The following APLN variants were observed in gnomAD, a reference collection of about 807,000 sequenced individuals.
APLN encodes apelin, also known as AGTRL1 ligand.
In APLN, 2 loss-of-function variants were observed where a neutral mutation model predicts 4.3. The ratio of observed to expected loss-of-function variants is 0.46; its 90% CI spans 0.19 to 1.45. The LOEUF is 1.45. Among genes scored for constraint, APLN ranks in the 40% most tolerant of loss-of-function variants. The probability of loss-of-function intolerance (pLI) is 0.25; values close to 1 mark genes in which losing one functional copy is unlikely to be tolerated. For synonymous variants in APLN, 34 were observed against 30.4 expected (o/e 1.12, Z -0.38); for missense variants, 80 against 70.0 (o/e 1.14, Z -0.51).
intron 1 of APLN, among the ~76,000 whole-genome samples, chrX:129,649,896 A>G (rs900614131): frequency 5.2e-4 from 58 of 111,262 alleles, no homozygotes; most frequent in Non-Finnish European, 7.7e-4. Context: ...AAAGGCATGC[A>G]GGCCGACTCT....
chrX:129,654,625 A>G lies in APLN; in HGVS notation c.6T>C (p.Asn2=), dbSNP rs2124451851. ...GGAGCGCCTGCACGCAGAGCCGCAG[A>G]TTCATGCTGCTCCTTGGGCCGCCGC... M[N]LRLCVQALLL... is the part of the protein sequence containing the mutation. The change falls in exon 1 of 3, where the codon AAT becomes AAC. Residue 2 remains asparagine (N), a synonymous_variant. Transcript: ENST00000429967. 1 of 1,143,702 alleles carries G rather than the reference A, an allele frequency of 8.7e-7. No individual in the cohort carries two copies. Among genetic ancestry groups the G allele is most frequent in the Non-Finnish European group, 1.2e-6 (1 of 864,752 alleles). 94.3% of individuals were successfully genotyped at this position (1,143,702 alleles called of 1,213,427 possible). A position where few individuals can be genotyped will look rare whatever the true frequency, so the allele number is the denominator to read the frequency against.
intron 1 of APLN, among the ~76,000 whole-genome samples, chrX:129,653,430 TCTC>T (rs935112907): frequency 2.7e-5 from 3 of 112,633 alleles, no homozygotes; most frequent in African/African-American, 9.7e-5. Flanking sequence ...TGCCCTGCCT[TCTC>T]CTTCTTTCTG....
chrX:129,647,265 A>C lies in APLN; in HGVS notation c.*658T>G. The C allele has an allele frequency of 5.9e-6, 1 of 169,489 alleles. No individual in the cohort carries two copies. Among genetic ancestry groups the C allele is most frequent in the Non-Finnish European group, 1.1e-5 (1 of 87,184 alleles). 14.0% of individuals were successfully genotyped at this position (169,489 alleles called of 1,213,427 possible). A position where few individuals can be genotyped will look rare whatever the true frequency, so the allele number is the denominator to read the frequency against. On this transcript the variant is annotated 3_prime_UTR_variant, in exon 3 of 3. Transcript: ENST00000429967. Reference sequence around the variant, plus strand: ...CAGGAAGAAGGGAGTATTGGGAGGCACACTAAGGCAAGAGAAGTGACAAAG... The same window carrying C: ...CAGGAAGAAGGGAGTATTGGGAGGCCCACTAAGGCAAGAGAAGTGACAAAG...
chrX:129,651,502 C>T (rs1936978501), intron 1 of APLN, among the ~76,000 whole-genome samples: 1 of 112,160 alleles, frequency 8.9e-6, no homozygotes, highest in Non-Finnish European at 1.9e-5. Flanking sequence ...AGCCCTAATG[C>T]ACTTAAATAT....
Position 129,654,759 on chromosome X carries a change from C to T in APLN, c.-129G>A, listed in dbSNP as rs1925012422. 3.9e-5 allele frequency: 14 copies of T among 357,089 alleles called. No individual in the cohort carries two copies. Among genetic ancestry groups the T allele is most frequent in the Non-Finnish European group, 5.0e-5 (12 of 240,053 alleles). The allele number at this position is 357,089 out of a possible 1,213,427, so 29.4% of individuals were successfully genotyped here. On this transcript the variant is annotated 5_prime_UTR_variant, in exon 1 of 3. Transcript: ENST00000429967. ...CGCAGAGCTCGGGAGGCTCCCCGGCCGCTGAGTGTGCGCGCTGAGCCCCGC... is the reference window on the plus strand; with the variant it reads ...CGCAGAGCTCGGGAGGCTCCCCGGCTGCTGAGTGTGCGCGCTGAGCCCCGC...
In APLN at chrX:129,647,562, A is replaced by G. The variant is rs905593365; in HGVS notation, c.*361T>C. 1 of 938,123 alleles carries G rather than the reference A, an allele frequency of 1.1e-6. No homozygotes were observed. The highest frequency in any genetic ancestry group is 2.0e-5 in the African/African-American group (1 of 49,010). The allele number at this position is 938,123 out of a possible 1,213,427, so 77.3% of individuals were successfully genotyped here. On this transcript the variant is annotated 3_prime_UTR_variant, in exon 3 of 3. Transcript: ENST00000429967. ...CACTTCCACCCCGCGCTCAGGGCAG[A>G]CATGAGGAAGGAAGGCCCAAATGAA...
Position 129,645,492 on chromosome X carries a change from G to A in APLN, c.*2431C>T, listed in dbSNP as rs1347766830. ...CAAAACAATTTTTAGTAGCGATCCT[G>A]CATTTAATCAGTATGTTCTTAAATA... On this transcript the variant is annotated 3_prime_UTR_variant, in exon 3 of 3. Transcript: ENST00000429967. The A allele has an allele frequency of 8.9e-6, 1 of 112,605 alleles. No individual in the cohort carries two copies. Among genetic ancestry groups the A allele is most frequent in the African/African-American group, 3.2e-5 (1 of 30,930 alleles). The allele number at this position is 112,605 out of a possible 1,213,427, so 9.3% of individuals were successfully genotyped here.
At chrX:129,652,332 G>A (rs1264249876) in intron 1 of APLN, among the ~76,000 whole-genome samples, 1 of 111,518 alleles carries the variant, frequency 9.0e-6, no homozygotes, top group Non-Finnish European at 1.9e-5. Flanking sequence ...GGGGTCGGGG[G>A]TGGACATTTC....
chrX:129,649,435 C>T (rs767478076), intron 1 of APLN, among the ~76,000 whole-genome samples: 19 of 111,480 alleles, frequency 1.7e-4, no homozygotes, highest in South Asian at 1.1e-3. Context: ...ATCTCTAGGG[C>T]GCCAAGTCCT....
intron 1 of APLN, among the ~76,000 whole-genome samples, chrX:129,653,764 G>A (rs937938760): frequency 3.6e-5 from 4 of 112,465 alleles, no homozygotes; most frequent in Non-Finnish European, 5.6e-5. Flanking sequence ...CTCCTTTGGT[G>A]CCTAGCGGCA....
chrX:129,652,680 C>T (rs1407874258), intron 1 of APLN, among the ~76,000 whole-genome samples: 1 of 112,462 alleles, frequency 8.9e-6, no homozygotes, highest in Non-Finnish European at 1.9e-5. Context: ...CTAATGAAGA[C>T]GGGGGAATTA....
chrX:129,647,769 G>A lies in APLN; in HGVS notation c.*154C>T. The A allele has an allele frequency of 1.0e-6, 1 of 983,142 alleles. No individual in the cohort carries two copies. Among genetic ancestry groups the A allele is most frequent in the East Asian group, 7.5e-5 (1 of 13,334 alleles). 81.0% of individuals were successfully genotyped at this position (983,142 alleles called of 1,213,427 possible). ...TACAGCCAGGAGCACGCCACTGGGG[G>A]AAGCAGGCAGGTGAGAAGAGCTGGG... On this transcript the variant is annotated 3_prime_UTR_variant, in exon 3 of 3. Coordinates refer to ENST00000429967, the MANE Select transcript of APLN (RefSeq NM_017413.5).
chrX:129,651,223 G>C (rs1936977073), intron 1 of APLN, among the ~76,000 whole-genome samples: 1 of 110,842 alleles, frequency 9.0e-6, no homozygotes, highest in Admixed American at 9.5e-5. Flanking sequence ...CCGGGCCCTG[G>C]AGAGCAGCCC....
chrX:129,652,858 TG>T (rs1441860540), intron 1 of APLN, among the ~76,000 whole-genome samples: 2 of 111,143 alleles, frequency 1.8e-5, no homozygotes, highest in East Asian at 2.9e-4. Flanking sequence ...CCACAGCCTC[TG>T]GGGGGAGCAC....
rs1402129093 is a variant in APLN at position 129,652,062 on chromosome X, C to G, written c.67+2502G>C. ...TTACACGGGTGCTTAGTGCTGAGGA[C>G]TGGGGATGGAGTAGAGATGCCCTTC... is the stretch of plus-strand genomic sequence containing the variant. On this transcript the variant is annotated intron_variant, in intron 1 of 2. Coordinates refer to ENST00000429967, the MANE Select transcript of APLN (RefSeq NM_017413.5). Among the ~76,000 whole-genome samples the G allele has an allele frequency of 2.7e-5, 3 of 111,562 alleles. No homozygotes were observed. The East Asian group carries it at 8.4e-4, about 31-fold the overall frequency.
chrX:129,647,839 G>A lies in APLN; in HGVS notation c.*84C>T, dbSNP rs755295801. On this transcript the variant is annotated 3_prime_UTR_variant, in exon 3 of 3. Transcript: ENST00000429967. Reference sequence around the variant, plus strand: ...GGTGCGAGGTGAGAGCTGAATGGACGTGAGGCCTCCAGAGAAGCAGACCAA... The same window carrying A: ...GGTGCGAGGTGAGAGCTGAATGGACATGAGGCCTCCAGAGAAGCAGACCAA... 1.2e-5 allele frequency: 12 copies of A among 981,327 alleles called. No homozygotes were observed. In the South Asian group the frequency reaches 1.8e-4, roughly 15 times the overall value. The allele number at this position is 981,327 out of a possible 1,213,427, so 80.9% of individuals were successfully genotyped here.
rs1197417255 is a variant in APLN, at chrX:129,646,186, A to C, written c.*1737T>G. On this transcript the variant is annotated 3_prime_UTR_variant, in exon 3 of 3. Transcript: ENST00000429967. ...TGGGCACCGACCAGTCCCCACTCCA[A>C]GCATGAGCCTTTAAGCAGCAGCAGC... 1 of 116,779 alleles carries C rather than the reference A, an allele frequency of 8.6e-6. No homozygotes were observed. The highest frequency in any genetic ancestry group is 3.8e-5 in the African/African-American group (1 of 26,487). The allele number at this position is 116,779 out of a possible 1,213,427, so 9.6% of individuals were successfully genotyped here.
Position 129,648,637 on chromosome X carries a change from T to C in APLN, c.223A>G (p.Met75Val), listed in dbSNP as rs372284454. ...QRPRLSHKGPMPF is the reference protein window; with the variant it reads ...QRPRLSHKGPVPF ...CTCAAGTACCTGCTTCAGAAAGGCA[T>C]GGGTCCCTTATGGGAGAGGCGGGGC... Residue 75 changes from methionine to valine, a missense_variant, in exon 2 of 3, where the codon ATG becomes GTG. Met to Val is a conservative substitution (Grantham distance 21). Transcript: ENST00000429967. 166 of 1,205,916 alleles carry C rather than the reference T, an allele frequency of 1.4e-4. No individual in the cohort carries two copies. Among genetic ancestry groups the C allele is most frequent in the Non-Finnish European group, 1.8e-4 (161 of 892,927 alleles).
At chrX:129,648,000 A>G in intron 2 of APLN, 83 bp from the exon 3 acceptor site, 1 of 944,349 alleles carries the variant, frequency 1.1e-6, no homozygotes, top group Non-Finnish European at 1.4e-6. Flanking sequence ...AGGAGAGAGG[A>G]GACCGCCTTC....
Sources: allele counts gnomAD v4.1 joint callset (sites outside exome capture counted in the v4.1 genomes callset), GRCh38; gene constraint gnomAD v4.1.1; transcripts MANE v1.5; gene names NCBI Gene and HGNC (gene_info 2026-07-23, HGNC 2026-07-21).